The following SGCG variants were observed in gnomAD, a reference collection of about 807,000 sequenced individuals.
SGCG encodes the protein sarcoglycan gamma.
SGCG carries 26 observed loss-of-function variants against 29.3 expected under a neutral mutation model. The ratio of observed to expected loss-of-function variants is 0.89; its 90% CI spans 0.65 to 1.23. The LOEUF (loss-of-function observed/expected upper bound fraction) is 1.23. Among genes scored for constraint, SGCG ranks in the 50% most tolerant of loss-of-function variants. SGCG has a pLI of 0.00. For missense variants in SGCG, 353 were observed against 356.0 expected, an observed-to-expected ratio of 0.99 and a Z score of 0.07; for synonymous variants, 145 against 129.7, an observed-to-expected ratio of 1.12 and a Z score of -0.80.
chr13:23,300,985 A>G (rs1005595040), intron 6 of SGCG, among the ~76,000 whole-genome samples: 62 of 152,238 alleles, frequency 4.1e-4, no homozygotes, highest in African/African-American at 1.2e-3. Context: ...GTGTGGTGGC[A>G]GGCACCTGTA....
chr13:23,322,517 G>A (rs1445915254), intron 7 of SGCG, among the ~76,000 whole-genome samples: 1 of 152,156 alleles, frequency 6.6e-6, no homozygotes, highest in Non-Finnish European at 1.5e-5. Context: ...CTGAATCTCA[G>A]GGTTTGCCAC....
rs184477938 is a variant in SGCG, at chr13:23,189,363, G to A, written c.-1+8288G>A. Among the ~76,000 whole-genome samples, 1,052 of 152,294 alleles carry A rather than the reference G, an allele frequency of 6.9e-3. 10 individuals carry two copies. The highest frequency in any genetic ancestry group is 8.1e-3 in the Non-Finnish European group (554 of 68,030). The stretch of plus-strand genomic sequence containing the variant: ...GGCTATTTTTTGTATTTTTAGTAGA[G>A]ATGGGGCTTCACTGTGTTGCCCAGG... On this transcript the variant is annotated intron_variant, in intron 1 of 7. Coordinates refer to ENST00000218867, the MANE Select transcript of SGCG (RefSeq NM_000231.3).
intron 2 of SGCG, among the ~76,000 whole-genome samples, chr13:23,226,227 G>A (rs1396998086): frequency 6.6e-6 from 1 of 151,914 alleles, no homozygotes; most frequent in Non-Finnish European, 1.5e-5. Flanking sequence ...GCTTATAAGA[G>A]ACAGTTAAAA....
intron 6 of SGCG, 114 bp downstream of exon 6, chr13:23,295,601 C>T: frequency 2.4e-6 from 2 of 818,400 alleles, no homozygotes; most frequent in Non-Finnish European, 4.3e-6. Context: ...CATCAGTTGC[C>T]TTTATTTTCA....
intron 5 of SGCG, among the ~76,000 whole-genome samples, chr13:23,282,146 C>T (rs1300526147): frequency 1.3e-5 from 2 of 152,124 alleles, no homozygotes. Context: ...ACAGACAGTA[C>T]AATTTTGAGC....
chr13:23,245,813 A>G (rs1566015179), intron 3 of SGCG: 1 of 152,206 alleles, frequency 6.6e-6, no homozygotes. Context: ...AAGCACAAAG[A>G]CAAGATGGTG....
intron 4 of SGCG, among the ~76,000 whole-genome samples, chr13:23,269,873 TG>T (rs1293401351): frequency 1.5e-4 from 14 of 94,002 alleles, no homozygotes; most frequent in East Asian, 2.8e-4. Context: ...TTGTTTTTTT[TG>T]TTTTTTTTGT....
chr13:23,248,997 GA>G (rs147956071), intron 3 of SGCG, among the ~76,000 whole-genome samples: 48 of 112,860 alleles, frequency 4.3e-4, no homozygotes, highest in African/African-American at 1.3e-3. Context: ...TCACAGAAAA[GA>G]AAAAAAAAAA....
chr13:23,180,526 A>G (rs1049378767), upstream of SGCG, among the ~76,000 whole-genome samples: 5 of 152,216 alleles, frequency 3.3e-5, no homozygotes. Flanking sequence ...TATGCCGTTC[A>G]TTTGGATGAG....
chr13:23,263,538 G>A (rs1177535311), intron 4 of SGCG, among the ~76,000 whole-genome samples: 3 of 151,532 alleles, frequency 2.0e-5, no homozygotes, highest in South Asian at 2.1e-4. Flanking sequence ...ATTCACATCT[G>A]AATTCAAAAG....
chr13:23,292,790 G>T (rs1028380653), intron 5 of SGCG, among the ~76,000 whole-genome samples: 1 of 152,058 alleles, frequency 6.6e-6, no homozygotes. Context: ...CTCTAGTTTC[G>T]TGATAACAAA....
At chr13:23,168,721 C>CAAA in the SGCG span, among the ~76,000 whole-genome samples, 1 of 152,128 alleles carries the variant, frequency 6.6e-6, no homozygotes, top group Non-Finnish European at 1.5e-5. Flanking sequence ...TTAATATTAG[C>CAAA]AAAGGCCTGC....
intron 2 of SGCG, among the ~76,000 whole-genome samples, 154 bp from the exon 3 acceptor site, chr13:23,234,457 A>C (rs890698116): frequency 6.9e-6 from 1 of 144,160 alleles, no homozygotes; most frequent in Non-Finnish European, 1.5e-5. Context: ...TTGAATATTC[A>C]ATTAAAGATG....
intron 1 of SGCG, among the ~76,000 whole-genome samples, chr13:23,185,575 G>A (rs571779996): frequency 2.0e-4 from 31 of 152,246 alleles, no homozygotes; most frequent in Non-Finnish European, 3.5e-4. Flanking sequence ...GGAGATATGC[G>A]TGCCATGTAT....
intron 1 of SGCG, among the ~76,000 whole-genome samples, chr13:23,196,411 A>T: frequency 6.6e-6 from 1 of 152,126 alleles, no homozygotes; most frequent in East Asian, 1.9e-4. Flanking sequence ...TCTTCATCAG[A>T]GGAGCAGCAT....
the SGCG span, among the ~76,000 whole-genome samples, chr13:23,169,447 G>A: frequency 0.011 from 1,704 of 151,516 alleles, 37 homozygotes; most frequent in African/African-American, 0.039. Flanking sequence ...TTGGGAGGCC[G>A]AGGCGGGTGG....
chr13:23,218,023 C>A (rs1014001109), intron 2 of SGCG, among the ~76,000 whole-genome samples: 4 of 152,074 alleles, frequency 2.6e-5, no homozygotes, highest in Non-Finnish European at 5.9e-5. Flanking sequence ...GATATCACTA[C>A]TGTAATTTGG....
At chr13:23,302,671 G>GTGA (rs67305862) in intron 6 of SGCG, among the ~76,000 whole-genome samples, 6 of 15,652 alleles carry the variant, frequency 3.8e-4, no homozygotes, top group Non-Finnish European at 2.4e-3. Context: ...ATTTTTAAAA[G>GTGA]AAAAAATCAA....
intron 2 of SGCG, among the ~76,000 whole-genome samples, chr13:23,230,983 G>A (rs1489160300): frequency 6.6e-6 from 1 of 152,186 alleles, no homozygotes; most frequent in African/African-American, 2.4e-5. Context: ...TTTATTGAGA[G>A]TTTTAGCACG....
Sources: allele counts gnomAD v4.1 joint callset (sites outside exome capture counted in the v4.1 genomes callset), GRCh38; gene constraint gnomAD v4.1.1; transcripts MANE v1.5; gene names NCBI Gene and HGNC (gene_info 2026-07-23, HGNC 2026-07-21).